Variants in SLC2A14 observed in about 807,000 individuals in gnomAD.
The protein encoded by SLC2A14 is solute carrier family 2 member 14.
In SLC2A14, 13 loss-of-function variants were observed where a neutral mutation model predicts 43.0. That is an observed-to-expected ratio of 0.30 (90% CI 0.20 to 0.48). The LOEUF (loss-of-function observed/expected upper bound fraction) is 0.48. Ranked by LOEUF, SLC2A14 falls within the 20% of genes least tolerant of loss-of-function variation. SLC2A14 has a pLI of 0.99. For synonymous variants in SLC2A14, 190 were observed against 233.8 expected (o/e 0.81, Z 1.71); for missense variants, 428 against 620.4 (o/e 0.69, Z 3.29).
At chr12:7,826,884 TCTTTCTTTC>T (rs1565508011) in intron 7 of SLC2A14, among the ~76,000 whole-genome samples, 16 of 69,204 alleles carry the variant, frequency 2.3e-4, no homozygotes, top group African/African-American at 3.7e-4. Flanking sequence ...TTTCTTTCTT[TCTTTCTTTC>T]TTTCTTTCTT....
At chr12:7,816,590 A>AG (rs1411262898) in intron 10 of SLC2A14, among the ~76,000 whole-genome samples, 1 of 149,122 alleles carries the variant, frequency 6.7e-6, no homozygotes, top group East Asian at 2.1e-4. Context: ...TAAACTGGGC[A>AG]CCATGGTGCC....
At chr12:7,879,198 T>C (rs1414095956) in intron 1 of SLC2A14, among the ~76,000 whole-genome samples, 1 of 151,602 alleles carries the variant, frequency 6.6e-6, no homozygotes, top group Non-Finnish European at 1.5e-5. Context: ...CTTTTACTTT[T>C]CTTGGAGTGA....
chr12:7,822,668 CAA>C (rs56052601), intron 7 of SLC2A14, among the ~76,000 whole-genome samples: 17 of 119,166 alleles, frequency 1.4e-4, no homozygotes, highest in Admixed American at 1.7e-4. Context: ...GACTCCATCT[CAA>C]AAAAAAAAAA....
At chr12:7,877,005 CT>C (rs57906469), upstream of SLC2A14, among the ~76,000 whole-genome samples, 43,561 of 132,336 alleles carry the variant, frequency 0.33, 6,022 homozygotes, top group Middle Eastern at 0.36. Flanking sequence ...AATTTTTTTT[CT>C]TTTTTTTTTT....
intron 2 of SLC2A14, among the ~76,000 whole-genome samples, chr12:7,834,849 T>G (rs1052558435): frequency 6.6e-6 from 1 of 152,160 alleles, no homozygotes; most frequent in African/African-American, 2.4e-5. Flanking sequence ...TGTCCAAGCT[T>G]AGATAGTCCT....
At chr12:7,868,817 G>A (rs1353122422) in intron 2 of SLC2A14, among the ~76,000 whole-genome samples, 2 of 152,094 alleles carry the variant, frequency 1.3e-5, no homozygotes, top group Non-Finnish European at 2.9e-5. Flanking sequence ...AGACCAGTCT[G>A]GCCAACATGG....
intron 2 of SLC2A14, among the ~76,000 whole-genome samples, chr12:7,868,643 A>T (rs1354160025): frequency 6.6e-6 from 1 of 152,120 alleles, no homozygotes; most frequent in South Asian, 2.1e-4. Flanking sequence ...GAACTACTAC[A>T]TCTTCCCAGA....
intron 2 of SLC2A14, among the ~76,000 whole-genome samples, chr12:7,862,599 C>T (rs891259074): frequency 6.6e-6 from 1 of 152,148 alleles, no homozygotes; most frequent in Non-Finnish European, 1.5e-5. Context: ...GCAGGCAGCT[C>T]CACCTGCAGC....
intron 2 of SLC2A14, among the ~76,000 whole-genome samples, chr12:7,842,866 TTA>T (rs1288606034): frequency 6.6e-6 from 1 of 151,988 alleles, no homozygotes; most frequent in Non-Finnish European, 1.5e-5. Flanking sequence ...GTAGCTGTGA[TTA>T]CAGCCATGTG....
intron 2 of SLC2A14, among the ~76,000 whole-genome samples, chr12:7,861,208 A>G (rs1489594289): frequency 6.6e-6 from 1 of 152,182 alleles, no homozygotes; most frequent in Non-Finnish European, 1.5e-5. Flanking sequence ...AAAAGGCACC[A>G]GAGCAACATT....
intron 2 of SLC2A14, among the ~76,000 whole-genome samples, chr12:7,864,403 A>G (rs1439546661): frequency 6.6e-6 from 1 of 152,034 alleles, no homozygotes; most frequent in East Asian, 1.9e-4. Context: ...CAGTGGTGCA[A>G]TCTCAGCTCA....
At chr12:7,846,548 T>TA (rs1271120711) in intron 2 of SLC2A14, among the ~76,000 whole-genome samples, 5 of 152,170 alleles carry the variant, frequency 3.3e-5, no homozygotes, top group Admixed American at 6.5e-5. Context: ...ATGTATCACT[T>TA]AAAGTATGGT....
At chr12:7,851,799 C>A (rs1866959358) in intron 2 of SLC2A14, among the ~76,000 whole-genome samples, 1 of 152,120 alleles carries the variant, frequency 6.6e-6, no homozygotes, top group African/African-American at 2.4e-5. Context: ...GAGAATGAAG[C>A]TATTTACTTT....
chr12:7,878,201 C>T (rs1293726370), upstream of SLC2A14, among the ~76,000 whole-genome samples: 1 of 151,956 alleles, frequency 6.6e-6, no homozygotes, highest in South Asian at 2.1e-4. Context: ...CAGGTGGCAG[C>T]CACCACGCCT....
At chr12:7,814,870 G>A (rs899676203) in intron 10 of SLC2A14, among the ~76,000 whole-genome samples, 48 of 151,824 alleles carry the variant, frequency 3.2e-4, no homozygotes, top group Non-Finnish European at 6.6e-4. Context: ...CAGGATCTCG[G>A]CTCACTGCAA....
At chr12:7,873,706 C>T (rs1361587741), upstream of SLC2A14, among the ~76,000 whole-genome samples, 2 of 151,578 alleles carry the variant, frequency 1.3e-5, no homozygotes, top group Non-Finnish European at 2.9e-5. Context: ...CTCAGGAGCT[C>T]TTTTTGGATG....
At chr12:7,859,141 C>G (rs1007273756) in intron 2 of SLC2A14, among the ~76,000 whole-genome samples, 2 of 152,136 alleles carry the variant, frequency 1.3e-5, no homozygotes, top group Non-Finnish European at 2.9e-5. Flanking sequence ...GTAATCCCAG[C>G]ACTTTGAAAG....
At chr12:7,884,016 C>T (rs1209493139) in intron 1 of SLC2A14, among the ~76,000 whole-genome samples, 3 of 151,836 alleles carry the variant, frequency 2.0e-5, no homozygotes, top group East Asian at 1.9e-4. Context: ...CTCTGCTTCC[C>T]GGGTTCACGC....
intron 2 of SLC2A14, among the ~76,000 whole-genome samples, chr12:7,867,300 AC>A (rs58112070): frequency 0.08 from 2,116 of 26,478 alleles, 223 homozygotes; most frequent in South Asian, 0.13. Flanking sequence ...AAAAAAAAAA[AC>A]AAAAAAAACA....
Sources: allele counts gnomAD v4.1 joint callset (sites outside exome capture counted in the v4.1 genomes callset), GRCh38; gene constraint gnomAD v4.1.1; transcripts MANE v1.5; gene names NCBI Gene and HGNC (gene_info 2026-07-23, HGNC 2026-07-21).